SRRM1: variants seen among roughly 807,000 people sequenced by gnomAD.
SRRM1 encodes serine/arginine repetitive matrix protein 1.
A neutral mutation model predicts 110.2 loss-of-function variants in SRRM1; 19 were observed. That is an observed-to-expected ratio of 0.17 (90% CI 0.12 to 0.25). The LOEUF is 0.25. Among genes scored for constraint, SRRM1 ranks in the 10% least tolerant of loss-of-function variants. The pLI is 1.00. For missense variants in SRRM1, 918 were observed against 1,145.8 expected, an observed-to-expected ratio of 0.80 and a Z score of 2.87; for synonymous variants, 443 against 414.9, an observed-to-expected ratio of 1.07 and a Z score of -0.82.
chr1:24,665,297 C>T (rs573587718), intron 12 of SRRM1, among the ~76,000 whole-genome samples: 4 of 152,132 alleles, frequency 2.6e-5, no homozygotes, highest in African/African-American at 4.8e-5. Flanking sequence ...GGCGTGGTGG[C>T]GCATGCCTGT....
rs1409684673 is a variant in SRRM1 at position 24,669,169 on chromosome 1, T to C, written c.1786T>C (p.Tyr596His). 1.2e-6 allele frequency: 2 copies of C among 1,613,820 alleles called. No individual in the cohort carries two copies. Among genetic ancestry groups the C allele is most frequent in the East Asian group, 2.2e-5 (1 of 44,866 alleles). ...PRRRSPSPRR[Y>H]SPPIQRRYSP... The stretch of plus-strand genomic sequence containing the variant: ...TCGGCGCTCACCTTCTCCTAGAAGA[T>C]ACTCTCCTCCAATACAGAGGAGATA... Residue 596 changes from tyrosine to histidine, a missense_variant, in exon 14 of 17, where the codon TAC becomes CAC. Around this residue, in one of 5 missense-constraint regions of SRRM1, gnomAD observed 357 missense variants for 402.9 expected, o/e 0.89. Coordinates refer to ENST00000323848, the MANE Select transcript of SRRM1 (RefSeq NM_005839.4).
At chr1:24,671,334 A>G in intron 15 of SRRM1, 52 bp from the exon 16 acceptor site, 1 of 1,488,210 alleles carries the variant, frequency 6.7e-7, no homozygotes, top group Non-Finnish European at 9.2e-7. Context: ...GTTGGACAGA[A>G]TATTAATCAG....
rs2148768391 is a variant in SRRM1 at position 24,669,545 on chromosome 1, T to A, written c.2162T>A (p.Ile721Asn). Residue 721 changes from isoleucine (I) to asparagine (N), a missense_variant, in exon 14 of 17, where the codon ATT (isoleucine) becomes AAT (asparagine). Physicochemically the swap from Ile to Asn is moderately radical, Grantham distance 149 (BLOSUM62 -3). Transcript: ENST00000323848. ...RQSPSPSTRP[I>N]RRVSRTPEPK... ...TCCCCGTCTCCAAGTACTAGGCCCA[T>A]TAGGAGAGTCTCCAGGACTCCGGAA... 6.2e-7 allele frequency: 1 copy of A among 1,604,376 alleles called. No individual in the cohort carries two copies. Among genetic ancestry groups the A allele is most frequent in the East Asian group, 2.2e-5 (1 of 44,454 alleles).
Position 24,652,959 on chromosome 1 carries a change from C to G in SRRM1, c.967C>G (p.Pro323Ala). ...RRPSPRRRPS[P>A]RRRTPPRRMP... ...GCCAAGCCCAAGAAGGCGGCCATCTCCTCGAAGAAGAACTCCGCCAAGAAG... is the reference window on the plus strand; with the variant it reads ...GCCAAGCCCAAGAAGGCGGCCATCTGCTCGAAGAAGAACTCCGCCAAGAAG... Residue 323 changes from proline to alanine, a missense_variant, in exon 8 of 17, where the codon CCT becomes GCT. Coordinates refer to ENST00000323848, the MANE Select transcript of SRRM1 (RefSeq NM_005839.4). The G allele has an allele frequency of 6.2e-7, 1 of 1,613,956 alleles. No homozygotes were observed. The highest frequency in any genetic ancestry group is 8.5e-7 in the Non-Finnish European group (1 of 1,179,914).
Position 24,672,227 on chromosome 1 carries a change from C to A in SRRM1, c.2656C>A (p.His886Asn), listed in dbSNP as rs1673165691. ...AGATAACCTTGATGATTTAGAAAAGCACCTGCGTGAAAAGGCCCTGAGATC... is the reference window on the plus strand; with the variant it reads ...AGATAACCTTGATGATTTAGAAAAGAACCTGCGTGAAAAGGCCCTGAGATC... The part of the protein sequence containing the change: ...AEDNLDDLEK[H>N]LREKALRSMR... Residue 886 changes from histidine (H) to asparagine (N), a missense_variant, in exon 17 of 17, where the codon CAC becomes AAC. Physicochemically the swap from His to Asn is moderately conservative, Grantham distance 68. Transcript: ENST00000323848. 1.9e-6 allele frequency: 3 copies of A among 1,611,242 alleles called. No homozygotes were observed. Among genetic ancestry groups the A allele is most frequent in the Non-Finnish European group, 2.5e-6 (3 of 1,178,568 alleles).
In SRRM1 at chr1:24,669,601, A is replaced by T; in HGVS notation, c.2204+14A>T. 6.6e-7 allele frequency: 1 copy of T among 1,519,288 alleles called. No homozygotes were observed. Among genetic ancestry groups the T allele is most frequent in the South Asian group, 1.2e-5 (1 of 82,100 alleles). The allele number at this position is 1,519,288 out of a possible 1,614,324, so 94.1% of individuals were successfully genotyped here. On this transcript the variant is annotated intron_variant, in intron 14 of 16. Coordinates refer to ENST00000323848, the MANE Select transcript of SRRM1 (RefSeq NM_005839.4). ...AAAGATAAAAAAGTAAAAATATTTT[A>T]TGCTTTTCCATTAGGAATACTTACA...
In SRRM1 at chr1:24,662,817, C is replaced by T. The variant is rs762397965; in HGVS notation, c.1628+13C>T. 1 of 1,613,826 alleles carries T rather than the reference C, an allele frequency of 6.2e-7. No homozygotes were observed. Among genetic ancestry groups the T allele is most frequent in the Admixed American group, 1.7e-5 (1 of 59,974 alleles). On this transcript the variant is annotated intron_variant, in intron 12 of 16. Transcript: ENST00000323848. ...AGACTTCCCCTCGGTAACATCTTTGCTTCAGTGATGTTCACTGATGTTCTG... is the reference window on the plus strand; with the variant it reads ...AGACTTCCCCTCGGTAACATCTTTGTTTCAGTGATGTTCACTGATGTTCTG...
At chr1:24,649,845 G>T (rs1659595588) in intron 4 of SRRM1, 126 bp from the exon 5 acceptor site, 2 of 744,456 alleles carry the variant, frequency 2.7e-6, no homozygotes, top group South Asian at 4.7e-5. Context: ...AGAAAGAACA[G>T]GTCTGGTTCA....
rs1329556756 is a variant in SRRM1 at position 24,672,506 on chromosome 1, T to G, written c.*220T>G. On this transcript the variant is annotated 3_prime_UTR_variant, in exon 17 of 17. Coordinates refer to ENST00000323848, the MANE Select transcript of SRRM1 (RefSeq NM_005839.4). ...TTGACAGCTGACATAATTCATTGAG[T>G]GAAATATTTTAAGCCAAAAAAAAAT... 2 of 280,168 alleles carry G rather than the reference T, an allele frequency of 7.1e-6. No homozygotes were observed. Among genetic ancestry groups the G allele is most frequent in the South Asian group, 1.1e-4 (1 of 8,910 alleles). The allele number at this position is 280,168 out of a possible 1,614,324, so 17.4% of individuals were successfully genotyped here.
chr1:24,649,175 C>A, intron 4 of SRRM1, 146 bp downstream of exon 4: 1 of 627,670 alleles, frequency 1.6e-6, no homozygotes, highest in Non-Finnish European at 2.6e-6. Context: ...TGGTTCACTG[C>A]TCCTCCCTCC....
chr1:24,664,919 C>G (rs1196069796), intron 12 of SRRM1, among the ~76,000 whole-genome samples: 1 of 128,174 alleles, frequency 7.8e-6, no homozygotes, highest in Non-Finnish European at 1.6e-5. Context: ...ACTTTCTGTT[C>G]TGGAAAGAGA....
chr1:24,655,031 C>T lies in SRRM1; in HGVS notation c.1217C>T (p.Thr406Ile). ...AGGCACAGGCCATCACCTCCTGCAA[C>T]TCCACCACCCAAAACTCGGCATTCC... Reference protein sequence around the residue: ...RRRHRPSPPATPPPKTRHSPT... With the variant: ...RRRHRPSPPAIPPPKTRHSPT... The change falls in exon 9 of 17, where the codon ACT (threonine) becomes ATT (isoleucine). Residue 406 changes from threonine to isoleucine, a missense_variant. By Grantham distance (89) the Thr-to-Ile change is moderately conservative. Transcript: ENST00000323848. The T allele has an allele frequency of 6.2e-7, 1 of 1,614,212 alleles. No individual in the cohort carries two copies. Among genetic ancestry groups the T allele is most frequent in the Admixed American group, 1.7e-5 (1 of 60,020 alleles).
chr1:24,663,123 C>G, intron 12 of SRRM1: 7 of 1,415,634 alleles, frequency 4.9e-6, no homozygotes, highest in Non-Finnish European at 6.7e-6. Context: ...ACTTAATCCA[C>G]CCAAGTAAAT....
rs1672086449 is a variant in SRRM1 at position 24,670,324 on chromosome 1, C to A, written c.2400+9C>A. On this transcript the variant is annotated intron_variant, in intron 15 of 16. Coordinates refer to ENST00000323848, the MANE Select transcript of SRRM1 (RefSeq NM_005839.4). ...GCCCATCACCGCCAAGAGTATGTGT[C>A]TGCCTTATTTTGGACACCCTTTTAT... The A allele has an allele frequency of 1.3e-6, 2 of 1,595,348 alleles. No homozygotes were observed. Among genetic ancestry groups the A allele is most frequent in the Non-Finnish European group, 1.7e-6 (2 of 1,171,694 alleles).
At chr1:24,661,473 T>C in intron 11 of SRRM1, 77 bp downstream of exon 11, 1 of 1,053,804 alleles carries the variant, frequency 9.5e-7, no homozygotes, top group South Asian at 1.5e-5. Context: ...CATCTGTGTG[T>C]GCAGCATGAG....
At chr1:24,647,729 T>G (rs1034006522) in intron 3 of SRRM1, 3 of 152,614 alleles carry the variant, frequency 2.0e-5, no homozygotes, top group African/African-American at 7.2e-5. Flanking sequence ...AATAATTTGG[T>G]GTTTGTATTT....
intron 4 of SRRM1, 45 bp from the exon 5 acceptor site, chr1:24,649,926 C>A (rs752559329): frequency 6.1e-6 from 9 of 1,482,636 alleles, no homozygotes; most frequent in Non-Finnish European, 7.2e-6. Context: ...TCAGTTTGTT[C>A]TCAAATGTTC....
At chr1:24,664,311 A>C (rs960812355) in intron 12 of SRRM1, among the ~76,000 whole-genome samples, 1 of 152,050 alleles carries the variant, frequency 6.6e-6, no homozygotes, top group Non-Finnish European at 1.5e-5. Context: ...ATCTTTATTG[A>C]AACTTTTGAT....
chr1:24,671,253 C>A (rs746908517), intron 15 of SRRM1, 133 bp from the exon 16 acceptor site: 3 of 983,854 alleles, frequency 3.0e-6, no homozygotes, highest in Non-Finnish European at 4.6e-6. Context: ...GCCTTCCCCA[C>A]TCACACCCTC....
Sources: gnomAD v4.1 joint callset for allele counts (sites outside exome capture counted in the v4.1 genomes callset) on GRCh38, gnomAD v4.1.1 for gene constraint, gnomAD v4.1.1 regional missense constraint, MANE v1.5 for transcripts, NCBI Gene and HGNC (gene_info 2026-07-23, HGNC 2026-07-21) for gene names.